The following RERG variants were observed in gnomAD, a reference collection of about 807,000 sequenced individuals.
RERG encodes the protein RAS like estrogen regulated growth inhibitor, also known as ras-related and estrogen-regulated growth inhibitor.
RERG carries 25 observed loss-of-function variants against 23.2 expected under a neutral mutation model. The ratio of observed to expected loss-of-function variants is 1.08; its 90% CI spans 0.79 to 1.50. RERG has a LOEUF of 1.50. Ranked by LOEUF, RERG falls within the 40% of genes most tolerant of loss-of-function variation. RERG has a pLI of 0.00. For synonymous variants in RERG, 81 were observed against 89.1 expected, an observed-to-expected ratio of 0.91 and a Z score of 0.51; for missense variants, 253 against 250.1, an observed-to-expected ratio of 1.01 and a Z score of -0.08.
chr12:15,126,469 T>C (rs1050379269), intron 2 of RERG, among the ~76,000 whole-genome samples: 3 of 152,066 alleles, frequency 2.0e-5, no homozygotes, highest in Admixed American at 6.5e-5. Flanking sequence ...TACTTGACTG[T>C]ACATTTCTTA....
intron 1 of RERG, among the ~76,000 whole-genome samples, chr12:15,218,254 T>A (rs1013532156): frequency 6.6e-6 from 1 of 152,222 alleles, no homozygotes; most frequent in East Asian, 1.9e-4. Context: ...TCCTTTTCTA[T>A]GATGACTTCA....
intron 3 of RERG, 35 bp downstream of exon 3, chr12:15,121,028 T>C: frequency 1.4e-6 from 2 of 1,477,288 alleles, no homozygotes; most frequent in Non-Finnish European, 1.9e-6. Context: ...CATAAATTTT[T>C]ATTGAAGAGG....
chr12:15,113,760 G>A (rs1340367523), intron 3 of RERG, among the ~76,000 whole-genome samples: 1 of 151,794 alleles, frequency 6.6e-6, no homozygotes, highest in Non-Finnish European at 1.5e-5. Context: ...AAAATCCTAG[G>A]AAAATGGAGA....
chr12:15,139,158 G>A (rs1297157472), intron 2 of RERG, among the ~76,000 whole-genome samples: 1 of 150,772 alleles, frequency 6.6e-6, no homozygotes, highest in African/African-American at 2.4e-5. Flanking sequence ...GTCTACCTCT[G>A]AGCTCTTTAT....
At chr12:15,123,145 A>G (rs1863867910) in intron 2 of RERG, among the ~76,000 whole-genome samples, 1 of 152,222 alleles carries the variant, frequency 6.6e-6, no homozygotes, top group East Asian at 1.9e-4. Context: ...AAACTTAATT[A>G]TCTGCCATGA....
intron 2 of RERG, among the ~76,000 whole-genome samples, chr12:15,209,931 G>A (rs1051813517): frequency 8.5e-5 from 13 of 152,168 alleles, no homozygotes; most frequent in Middle Eastern, 3.2e-3. Flanking sequence ...TCTCTCATAT[G>A]TATGGATAAG....
intron 2 of RERG, among the ~76,000 whole-genome samples, chr12:15,190,783 G>A (rs534107479): frequency 1.3e-5 from 2 of 152,194 alleles, no homozygotes; most frequent in Admixed American, 1.3e-4. Flanking sequence ...GAGCTTAGTG[G>A]GTCTGAACAG....
At chr12:15,121,021 A>C in intron 3 of RERG, 42 bp downstream of exon 3, 3 of 1,360,570 alleles carry the variant, frequency 2.2e-6, no homozygotes, top group Non-Finnish European at 3.2e-6. Flanking sequence ...TTGGGGCCAT[A>C]AATTTTTATT....
chr12:15,110,668 C>T (rs577332595), intron 4 of RERG, among the ~76,000 whole-genome samples: 13 of 151,540 alleles, frequency 8.6e-5, no homozygotes, highest in South Asian at 2.1e-4. Flanking sequence ...TTAGTAGAGA[C>T]GGGATTTCAC....
intron 2 of RERG, among the ~76,000 whole-genome samples, chr12:15,121,388 CAAACA>C (rs1333846626): frequency 4.0e-5 from 6 of 151,866 alleles, no homozygotes; most frequent in Non-Finnish European, 8.8e-5. Context: ...AAAAACAAAA[CAAACA>C]AAAGTATAAT....
rs1300841285 is a variant in RERG at position 15,108,170 on chromosome 12, A to G, written c.*940T>C. On this transcript the variant is annotated 3_prime_UTR_variant, in exon 5 of 5. Transcript: ENST00000256953. ...TCAAAATAAGTCATGTGGCAAACTT[A>G]ATGAATCAGAGGCTAATTTTTCTTA... 2 of 152,298 alleles carry G rather than the reference A, an allele frequency of 1.3e-5. No individual in the cohort carries two copies. The highest frequency in any genetic ancestry group is 2.9e-5 in the Non-Finnish European group (2 of 68,024). 9.4% of individuals were successfully genotyped at this position (152,298 alleles called of 1,614,324 possible). A position where few individuals can be genotyped will look rare whatever the true frequency, so the allele number is the denominator to read the frequency against.
rs550171134 is a variant in RERG at position 15,218,263 on chromosome 12, C to T, written c.-114-660G>A. Among the ~76,000 whole-genome samples, 5 of 152,258 alleles carry T rather than the reference C, an allele frequency of 3.3e-5. No homozygotes were observed. The South Asian group carries it at 1.0e-3, about 32-fold the overall frequency. On this transcript the variant is annotated intron_variant, in intron 1 of 4. Transcript: ENST00000256953. ...AGTTATTCCTTTTCTATGATGACTT[C>T]AAGTAAATTTGTTTATAGTGCTGTC... is the stretch of plus-strand genomic sequence containing the variant.
In RERG at chr12:15,133,350, CTT is replaced by C. The variant is rs1251644752; in HGVS notation, c.62-12233_62-12232del. On this transcript the variant is annotated intron_variant, in intron 2 of 4. Coordinates refer to ENST00000256953, the MANE Select transcript of RERG (RefSeq NM_032918.3). Reference sequence around the variant, plus strand: ...ATAGTTGGATCATGTAGTGTGAAGCCTTTTCAGATTGCCTTCTTTCACTTAGT... The same window carrying C: ...ATAGTTGGATCATGTAGTGTGAAGCCTTCAGATTGCCTTCTTTCACTTAGT... Among the ~76,000 whole-genome samples the C allele has an allele frequency of 2.0e-5, 3 of 151,892 alleles. No homozygotes were observed. The East Asian group carries it at 5.8e-4, about 29-fold the overall frequency.
intron 2 of RERG, among the ~76,000 whole-genome samples, chr12:15,183,075 TG>T (rs1296172138): frequency 6.6e-6 from 1 of 152,012 alleles, no homozygotes; most frequent in Non-Finnish European, 1.5e-5. Flanking sequence ...AGAGAGACCC[TG>T]GCCGAAAAAC....
intron 3 of RERG, among the ~76,000 whole-genome samples, chr12:15,120,809 GTT>G (rs1863817543): frequency 1.3e-5 from 2 of 152,140 alleles, no homozygotes; most frequent in Non-Finnish European, 2.9e-5. Flanking sequence ...AGGGAAGTGT[GTT>G]GTACCCACTT....
intron 3 of RERG, among the ~76,000 whole-genome samples, chr12:15,117,989 C>T (rs1287570579): frequency 6.6e-6 from 1 of 152,068 alleles, no homozygotes; most frequent in Non-Finnish European, 1.5e-5. Context: ...TTCACCGATC[C>T]ACAGTATAAT....
At chr12:15,161,826 T>G (rs997901490) in intron 2 of RERG, among the ~76,000 whole-genome samples, 5 of 152,166 alleles carry the variant, frequency 3.3e-5, no homozygotes, top group Admixed American at 6.5e-5. Flanking sequence ...CCAAGCACTG[T>G]TCTAAGTATT....
chr12:15,195,640 C>A (rs187752309), intron 2 of RERG, among the ~76,000 whole-genome samples: 1 of 150,428 alleles, frequency 6.6e-6, no homozygotes, highest in East Asian at 2.0e-4. Context: ...GTTAATTACC[C>A]AAATCCATTC....
chr12:15,138,459 A>C (rs1017509308), intron 2 of RERG, among the ~76,000 whole-genome samples: 48 of 152,016 alleles, frequency 3.2e-4, no homozygotes, highest in African/African-American at 1.1e-3. Flanking sequence ...GGCTGTGCCC[A>C]GACTCATTAG....
Sources: gnomAD v4.1 joint callset for allele counts (sites outside exome capture counted in the v4.1 genomes callset) on GRCh38, gnomAD v4.1.1 for gene constraint, MANE v1.5 for transcripts, NCBI Gene and HGNC (gene_info 2026-07-23, HGNC 2026-07-21) for gene names.